Variants in SLC35F3 observed in about 807,000 individuals in gnomAD.
SLC35F3 encodes the protein solute carrier family 35 member F3.
In SLC35F3, 25 loss-of-function variants were observed where a neutral mutation model predicts 49.9. The ratio of observed to expected loss-of-function variants is 0.50; its 90% confidence interval spans 0.37 to 0.70. The LOEUF is 0.70. Among genes scored for constraint, SLC35F3 ranks in the 30% least tolerant of loss-of-function variants. SLC35F3 has a pLI of 0.00. For missense variants in SLC35F3, 525 were observed against 639.8 expected, an observed-to-expected ratio of 0.82 and a Z score of 1.94; for synonymous variants, 275 against 265.4, an observed-to-expected ratio of 1.04 and a Z score of -0.35.
chr1:234,296,059 G>A lies in SLC35F3; in HGVS notation c.609-13042G>A, dbSNP rs141383770. The stretch of plus-strand genomic sequence containing the variant: ...TTGCTGATGTGGAAGTTGTGAAAAA[G>A]CAGGAACATAGAAGTGAGAGCCCAG... On this transcript the variant is annotated intron_variant, in intron 3 of 7. Coordinates refer to ENST00000366618, the MANE Select transcript of SLC35F3 (RefSeq NM_173508.4). Among the ~76,000 whole-genome samples, 209 of 152,332 alleles carry A rather than the reference G, an allele frequency of 1.4e-3. 1 individual carries two copies. Among genetic ancestry groups the A allele is most frequent in the African/African-American group, 4.8e-3 (200 of 41,582 alleles).
intron 3 of SLC35F3, chr1:234,272,611 C>A (rs1251218463): frequency 1.3e-5 from 2 of 152,256 alleles, no homozygotes; most frequent in Admixed American, 6.5e-5. Context: ...TCCCTTCCAC[C>A]CTGGAGAGTC....
At chr1:234,303,245 T>C (rs1191980376) in intron 3 of SLC35F3, among the ~76,000 whole-genome samples, 2 of 152,232 alleles carry the variant, frequency 1.3e-5, no homozygotes, top group Non-Finnish European at 2.9e-5. Flanking sequence ...TTTCCCTCTT[T>C]TGTCTCATTC....
At chr1:234,208,208 G>T (rs1667001295) in intron 2 of SLC35F3, among the ~76,000 whole-genome samples, 1 of 152,164 alleles carries the variant, frequency 6.6e-6, no homozygotes, top group Non-Finnish European at 1.5e-5. Context: ...TGCTCTGTCG[G>T]TCTCAAGGGA....
intron 2 of SLC35F3, among the ~76,000 whole-genome samples, chr1:233,974,174 C>CTTT (rs757673463): frequency 2.0e-4 from 17 of 83,098 alleles, no homozygotes; most frequent in African/African-American, 2.9e-4. Context: ...ATTTCTATTT[C>CTTT]TTTTTTTTTT....
chr1:234,076,096 G>A (rs1165341629), intron 2 of SLC35F3, among the ~76,000 whole-genome samples: 1 of 152,140 alleles, frequency 6.6e-6, no homozygotes, highest in Non-Finnish European at 1.5e-5. Context: ...ACCTGTCTCA[G>A]ATACTTTTTG....
intron 2 of SLC35F3, among the ~76,000 whole-genome samples, chr1:234,051,566 A>G (rs971004029): frequency 2.0e-5 from 3 of 152,222 alleles, no homozygotes; most frequent in Non-Finnish European, 4.4e-5. Flanking sequence ...TTCTAAATAT[A>G]CAATCATGTC....
At chr1:234,278,023 A>C (rs980022405) in intron 3 of SLC35F3, among the ~76,000 whole-genome samples, 1 of 151,788 alleles carries the variant, frequency 6.6e-6, no homozygotes, top group Non-Finnish European at 1.5e-5. Flanking sequence ...GTGAAACCCC[A>C]TCTCTACAAA....
At chr1:233,967,373 A>C (rs1452118880) in intron 2 of SLC35F3, among the ~76,000 whole-genome samples, 1 of 152,222 alleles carries the variant, frequency 6.6e-6, no homozygotes, top group Admixed American at 6.5e-5. Context: ...TTTTAACTTT[A>C]CCTTATTAGA....
At chr1:234,042,708 G>A (rs181553250) in intron 2 of SLC35F3, among the ~76,000 whole-genome samples, 63 of 152,264 alleles carry the variant, frequency 4.1e-4, no homozygotes, top group South Asian at 1.2e-3. Flanking sequence ...CATTTCCTTC[G>A]AGAGTTTATT....
chr1:233,922,146 G>A (rs1285314702), intron 2 of SLC35F3, among the ~76,000 whole-genome samples: 1 of 152,132 alleles, frequency 6.6e-6, no homozygotes, highest in Non-Finnish European at 1.5e-5. Flanking sequence ...ATAATCCTTT[G>A]GGTATATACC....
chr1:234,043,715 A>G (rs1039405277), intron 2 of SLC35F3, among the ~76,000 whole-genome samples: 4 of 152,258 alleles, frequency 2.6e-5, no homozygotes, highest in Non-Finnish European at 5.9e-5. Context: ...ACATCAGTAG[A>G]TAAATATAAT....
chr1:234,093,858 A>G (rs1440696587), intron 2 of SLC35F3, among the ~76,000 whole-genome samples: 1 of 152,252 alleles, frequency 6.6e-6, no homozygotes, highest in African/African-American at 2.4e-5. Flanking sequence ...TGGTGACAAG[A>G]TGATCCAAGT....
At chr1:234,245,107 ACTCCTACCCT>A (rs1667611218) in intron 3 of SLC35F3, among the ~76,000 whole-genome samples, 1 of 150,986 alleles carries the variant, frequency 6.6e-6, no homozygotes, top group Non-Finnish European at 1.5e-5. Flanking sequence ...ACTTCACTTC[ACTCCTACCCT>A]CTACCACCAC....
At chr1:234,101,358 T>A (rs905884026) in intron 2 of SLC35F3, among the ~76,000 whole-genome samples, 11 of 152,136 alleles carry the variant, frequency 7.2e-5, no homozygotes, top group Admixed American at 4.6e-4. Context: ...CATGGCACCA[T>A]GTTCTTGCCC....
intron 2 of SLC35F3, among the ~76,000 whole-genome samples, chr1:234,088,531 A>G (rs1306487609): frequency 6.6e-6 from 1 of 152,152 alleles, no homozygotes; most frequent in Non-Finnish European, 1.5e-5. Context: ...GAATCAATGA[A>G]TGACTGGATT....
In SLC35F3 at chr1:234,188,436, A is replaced by G. The variant is rs1023020178; in HGVS notation, c.284-42981A>G. Among the ~76,000 whole-genome samples, 5 of 152,072 alleles carry G rather than the reference A, an allele frequency of 3.3e-5. No homozygotes were observed. In the South Asian group the frequency reaches 1.0e-3, roughly 32 times the overall value. Reference sequence around the variant, plus strand: ...GGCCTGTAACTGCCAGCTTTCCCCGACTTCCTGACAACCTGCATGACACAG... The same window carrying G: ...GGCCTGTAACTGCCAGCTTTCCCCGGCTTCCTGACAACCTGCATGACACAG... On this transcript the variant is annotated intron_variant, in intron 2 of 7. Transcript: ENST00000366618.
chr1:234,172,599 G>A (rs1480028647), intron 2 of SLC35F3, among the ~76,000 whole-genome samples: 1 of 152,132 alleles, frequency 6.6e-6, no homozygotes, highest in African/African-American at 2.4e-5. Context: ...ATCTCTAGGC[G>A]ACTTCATCAT....
intron 2 of SLC35F3, among the ~76,000 whole-genome samples, chr1:233,990,453 T>C (rs1168513244): frequency 6.6e-6 from 1 of 151,720 alleles, no homozygotes; most frequent in African/African-American, 2.4e-5. Flanking sequence ...ACTTAAATAA[T>C]ATTCAGGGGG....
chr1:234,247,244 T>C (rs1354626788), intron 3 of SLC35F3, among the ~76,000 whole-genome samples: 3 of 152,280 alleles, frequency 2.0e-5, no homozygotes, highest in Non-Finnish European at 4.4e-5. Context: ...TGCATGTGTC[T>C]ATGTGTGCAT....
Sources: gnomAD v4.1 joint callset for allele counts (sites outside exome capture counted in the v4.1 genomes callset) on GRCh38, gnomAD v4.1.1 for gene constraint, MANE v1.5 for transcripts, NCBI Gene and HGNC (gene_info 2026-07-23, HGNC 2026-07-21) for gene names.